Variants in SF3A1 observed in about 807,000 individuals in gnomAD.
The protein encoded by SF3A1 is splicing factor 3a subunit 1, also known as SAP 114.
SF3A1 carries 13 observed loss-of-function variants against 89.9 expected under a neutral mutation model. The observed-to-expected ratio is 0.14, with a 90% CI of 0.09 to 0.23. SF3A1 has a LOEUF of 0.23. SF3A1 is among the 10% of genes least tolerant of loss of function. The probability of loss-of-function intolerance (pLI) is 1.00; values close to 1 mark genes in which losing one functional copy is unlikely to be tolerated. For synonymous variants in SF3A1, 405 were observed against 374.4 expected (o/e 1.08, Z -0.94); for missense variants, 604 against 1,022.1 (o/e 0.59, Z 5.58).
chr22:30,348,538 G>A (rs1601698591), intron 2 of SF3A1, among the ~76,000 whole-genome samples: 3 of 152,130 alleles, frequency 2.0e-5, no homozygotes, highest in East Asian at 1.9e-4. Context: ...GGTACAGGCA[G>A]TGCTGTGCCC....
At chr22:30,336,933 G>C in intron 13 of SF3A1, 93 bp downstream of exon 13, 1 of 1,468,286 alleles carries the variant, frequency 6.8e-7, no homozygotes, top group African/African-American at 1.4e-5. Flanking sequence ...AGCCAAGACT[G>C]GGAGTGAAAT....
At position 30,346,510 on chromosome 22, in the gene SF3A1, A is replaced by G. The variant is rs767261152; in HGVS notation, c.195T>C (p.Pro65=). 2 of 1,614,062 alleles carry G rather than the reference A, an allele frequency of 1.2e-6. No homozygotes were observed. Among genetic ancestry groups the G allele is most frequent in the East Asian group, 2.2e-5 (1 of 44,878 alleles). ...KTASFVARNG[P]EFEARIRQNE... is the part of the protein sequence containing the mutation. Reference sequence around the variant, plus strand: ...TCTGTCGGATCCTAGCTTCAAATTCAGGCCCGTTTCTGGAGGAAGAAAAAA... The same window carrying G: ...TCTGTCGGATCCTAGCTTCAAATTCGGGCCCGTTTCTGGAGGAAGAAAAAA... The change falls in exon 3 of 16, where the codon CCT becomes CCC. Residue 65 remains proline, a synonymous_variant. Coordinates refer to ENST00000215793, the MANE Select transcript of SF3A1 (RefSeq NM_005877.6).
chr22:30,343,964 C>T (rs891210555), intron 4 of SF3A1, among the ~76,000 whole-genome samples: 1 of 152,172 alleles, frequency 6.6e-6, no homozygotes, highest in Admixed American at 6.5e-5. Flanking sequence ...GATGTACAGA[C>T]CATCCCACTG....
intron 2 of SF3A1, 182 bp downstream of exon 2, chr22:30,352,769 A>C (rs1931641203): frequency 7.3e-6 from 4 of 550,660 alleles, no homozygotes; most frequent in Non-Finnish European, 1.2e-5. Context: ...CACTTTGGCC[A>C]CTGCTATGCT....
At chr22:30,336,601 C>T (rs1343252135) in intron 13 of SF3A1, among the ~76,000 whole-genome samples, 3 of 152,136 alleles carry the variant, frequency 2.0e-5, no homozygotes, top group Non-Finnish European at 4.4e-5. Context: ...TATTCCAGGA[C>T]CCCAACAGGA....
At chr22:30,342,940 C>G in intron 4 of SF3A1, 61 bp from the exon 5 acceptor site, 3 of 1,035,678 alleles carry the variant, frequency 2.9e-6, no homozygotes, top group Non-Finnish European at 4.5e-6. Context: ...AAAGAGGCAG[C>G]CTTCCTGGGC....
intron 4 of SF3A1, 141 bp from the exon 5 acceptor site, chr22:30,343,020 G>C: frequency 3.6e-6 from 2 of 563,214 alleles, no homozygotes; most frequent in Non-Finnish European, 6.3e-6. Flanking sequence ...CTTGGCTGTG[G>C]GACTTAGGGC....
At chr22:30,354,576 G>A (rs754542086) in intron 1 of SF3A1, among the ~76,000 whole-genome samples, 29 of 151,922 alleles carry the variant, frequency 1.9e-4, no homozygotes, top group Non-Finnish European at 3.8e-4. Flanking sequence ...TTCCCCTTCC[G>A]CCTCTAGACT....
rs367677616 is a variant in SF3A1 at position 30,355,428 on chromosome 22, C to A, written c.63+1302G>T. ...CTCTGGCTGAAGAGCCTGCCTACCC[C>A]CTCTGCCCTAATCTCGGCCAGGCCT... On this transcript the variant is annotated intron_variant, in intron 1 of 15. Transcript: ENST00000215793. Among the ~76,000 whole-genome samples, 14 of 152,342 alleles carry A rather than the reference C, an allele frequency of 9.2e-5. No homozygotes were observed. In the South Asian group the frequency reaches 2.5e-3, roughly 27 times the overall value.
intron 2 of SF3A1, 93 bp from the exon 3 acceptor site, chr22:30,346,612 A>AC: frequency 6.9e-7 from 1 of 1,440,464 alleles, no homozygotes; most frequent in Non-Finnish European, 9.6e-7. Context: ...TCTTGCCACC[A>AC]CCCACTGCTC....
intron 4 of SF3A1, 56 bp from the exon 5 acceptor site, chr22:30,342,935 G>A: frequency 3.4e-6 from 4 of 1,162,358 alleles, no homozygotes; most frequent in Non-Finnish European, 5.2e-6. Context: ...AGTACAAAGA[G>A]GCAGCCTTCC....
chr22:30,351,938 G>C (rs1442298919), intron 2 of SF3A1, among the ~76,000 whole-genome samples: 1 of 152,256 alleles, frequency 6.6e-6, no homozygotes, highest in Non-Finnish European at 1.5e-5. Flanking sequence ...CTGACCTTTG[G>C]AGTCAAGGGG....
intron 1 of SF3A1, 86 bp downstream of exon 1, chr22:30,356,644 A>G: frequency 1.8e-6 from 2 of 1,094,096 alleles, no homozygotes; most frequent in Non-Finnish European, 1.2e-6. Flanking sequence ...CAAGCCCTTC[A>G]TAGCGGCCGG....
In SF3A1 at chr22:30,337,155, T is replaced by C. The variant is rs1931093290; in HGVS notation, c.1977A>G (p.Ala659=). The C allele has an allele frequency of 1.2e-6, 2 of 1,612,702 alleles. No homozygotes were observed. The highest frequency in any genetic ancestry group is 8.5e-7 in the Non-Finnish European group (1 of 1,179,414). The part of the protein sequence containing the change: ...PTAFVPAPPV[A]PVPAPAPMPP... The stretch of plus-strand genomic sequence containing the variant: ...GCATTGGGGCTGGAGCTGGGACAGG[T>C]GCCACAGGTGGAGCAGGCACAAAGG... Residue 659 remains alanine, a synonymous_variant, in exon 13 of 16, where the codon GCA becomes GCG. Coordinates refer to ENST00000215793, the MANE Select transcript of SF3A1 (RefSeq NM_005877.6).
At position 30,334,643 on chromosome 22, in the gene SF3A1, C is replaced by T. The variant is rs747490808; in HGVS notation, c.2333G>A (p.Gly778Asp). The T allele has an allele frequency of 6.3e-7, 1 of 1,588,546 alleles. No homozygotes were observed. The highest frequency in any genetic ancestry group is 8.5e-7 in the Non-Finnish European group (1 of 1,171,198). Reference protein sequence around the residue: ...NSLAYYNMANGAVIHLALKER... With the variant: ...NSLAYYNMANDAVIHLALKER... ...CTTGAGGGCCAGGTGGATGACTGCGCCATTGGCCATGTTGTAGTAAGCCAG... is the reference window on the plus strand; with the variant it reads ...CTTGAGGGCCAGGTGGATGACTGCGTCATTGGCCATGTTGTAGTAAGCCAG... Residue 778 changes from glycine to aspartate, a missense_variant, in exon 16 of 16, where the codon GGC (glycine) becomes GAC (aspartate). This residue lies in a region of SF3A1 where 74 missense variants were observed against 141.3 expected (regional missense o/e 0.52). Transcript: ENST00000215793.
chr22:30,353,057 C>A lies in SF3A1; in HGVS notation c.79G>T (p.Ala27Ser). The A allele has an allele frequency of 1.9e-6, 3 of 1,614,046 alleles. No homozygotes were observed. Among genetic ancestry groups the A allele is most frequent in the Non-Finnish European group, 1.7e-6 (2 of 1,179,930 alleles). ...GGTGCAGAATCCTCCTTTGAAGATGCTTCTTCTTCTGTGGGCTGTGCAAAC... is the reference window on the plus strand; with the variant it reads ...GGTGCAGAATCCTCCTTTGAAGATGATTCTTCTTCTGTGGGCTGTGCAAAC... ...TEPKQPTEEE[A>S]SSKEDSAPSK... Residue 27 changes from alanine to serine, a missense_variant, in exon 2 of 16, where the codon GCA (alanine) becomes TCA (serine). This residue lies in a region of SF3A1 where 55 missense variants were observed against 43.8 expected (regional missense o/e 1.25). Transcript: ENST00000215793.
chr22:30,352,284 G>A (rs973455802), intron 2 of SF3A1, among the ~76,000 whole-genome samples: 1 of 139,720 alleles, frequency 7.2e-6, no homozygotes. Context: ...GAACTGTGGG[G>A]AGAGAGAGGA....
intron 4 of SF3A1, among the ~76,000 whole-genome samples, chr22:30,344,107 T>TG (rs1931346583): frequency 2.6e-5 from 4 of 152,230 alleles, no homozygotes; most frequent in Admixed American, 2.6e-4. Flanking sequence ...TCCTGATTCT[T>TG]GATTGCAGCT....
intron 1 of SF3A1, among the ~76,000 whole-genome samples, chr22:30,356,163 G>C (rs548158722): frequency 6.6e-6 from 1 of 152,170 alleles, no homozygotes; most frequent in Non-Finnish European, 1.5e-5. Context: ...CAAACATTTG[G>C]TGAGCATTCT....
Sources: allele counts gnomAD v4.1 joint callset (sites outside exome capture counted in the v4.1 genomes callset), GRCh38; gene constraint gnomAD v4.1.1; regional missense constraint gnomAD v4.1.1; transcripts MANE v1.5; gene names NCBI Gene and HGNC (gene_info 2026-07-23, HGNC 2026-07-21).